DCTN1: variants seen among roughly 807,000 people sequenced by gnomAD.
DCTN1 encodes dynactin subunit 1.
A neutral mutation model predicts 161.2 loss-of-function variants in DCTN1; 61 were observed. The ratio of observed to expected loss-of-function variants is 0.38; its 90% CI spans 0.31 to 0.47. DCTN1 has a LOEUF of 0.47. Ranked by LOEUF, DCTN1 falls within the 20% of genes least tolerant of loss-of-function variation. DCTN1 has a pLI of 0.99. For missense variants in DCTN1, 1,404 were observed against 1,623.7 expected (o/e 0.86, Z 2.33); for synonymous variants, 653 against 632.4 (o/e 1.03, Z -0.49).
chr2:74,370,534 G>T lies in DCTN1; in HGVS notation c.1059C>A (p.Gly353=). The T allele has an allele frequency of 1.2e-6, 2 of 1,614,084 alleles. No homozygotes were observed. The highest frequency in any genetic ancestry group is 1.7e-6 in the Non-Finnish European group (2 of 1,180,036). Residue 353 remains glycine, a synonymous_variant, in exon 11 of 32, where the codon GGC becomes GGA. Coordinates refer to ENST00000628224, the MANE Select transcript of DCTN1 (RefSeq NM_004082.5). The surrounding 1 kb of genome is among the most constrained non-coding windows in gnomAD (Gnocchi z 4.4). ...KAEIEEKGSD[G]AASSYQLKQL... is the part of the protein sequence containing the mutation. ...GCTTGAGCTGATAACTGGATGCAGC[G>T]CCATCTGAGCCTGGAGAAGATCATT...
Position 74,366,540 on chromosome 2 carries a change from G to T in DCTN1, c.2547C>A (p.Ala849=). ...AVLQEVAAAA[A]QLIAPLAENE... ...TCTCTGCCAGTGGGGCAATGAGCTGGGCAGCAGCAGCTGCCACCTCCTGCA... is the reference window on the plus strand; with the variant it reads ...TCTCTGCCAGTGGGGCAATGAGCTGTGCAGCAGCAGCTGCCACCTCCTGCA... The change falls in exon 22 of 32, where the codon GCC becomes GCA. Residue 849 remains alanine (A), a synonymous_variant. Transcript: ENST00000628224. The T allele has an allele frequency of 1.9e-6, 3 of 1,614,014 alleles. No homozygotes were observed. The highest frequency in any genetic ancestry group is 2.5e-6 in the Non-Finnish European group (3 of 1,179,982).
rs747435830 is a variant in DCTN1, at chr2:74,361,639, G to C, written c.3700-3C>G. ...TCATCCTGCTGCTCCTCCTTGGCCT[G>C]GTGGTTGATGAGGAGAAAAAGACTC... On this transcript the variant is annotated splice_polypyrimidine_tract_variant and splice_region_variant and intron_variant, in intron 31 of 31. Coordinates refer to ENST00000628224, the MANE Select transcript of DCTN1 (RefSeq NM_004082.5). 3 of 1,613,996 alleles carry C rather than the reference G, an allele frequency of 1.9e-6. No individual in the cohort carries two copies. The highest frequency in any genetic ancestry group is 1.1e-5 in the South Asian group (1 of 91,078).
At chr2:74,385,645 T>C (rs1675694746) in intron 1 of DCTN1, 1 of 152,176 alleles carries the variant, frequency 6.6e-6, no homozygotes, top group Admixed American at 6.5e-5. Flanking sequence ...CATCATCTGA[T>C]CATAATGGAA....
chr2:74,366,896 G>A lies in DCTN1; in HGVS notation c.2353C>T (p.Arg785Trp), dbSNP rs121909344. Residue 785 changes from arginine to tryptophan, a missense_variant, in exon 21 of 32, where the codon CGG becomes TGG. Physicochemically the swap from Arg to Trp is moderately radical, Grantham distance 101. This residue lies in a region of DCTN1 where 475 missense variants were observed against 489.8 expected (regional missense o/e 0.97). Transcript: ENST00000628224. ...TCACTGCATGAAGTTTCCAGATCCCGGAGCAGGAGGGCAATATCTGTAGCC... is the reference window on the plus strand; with the variant it reads ...TCACTGCATGAAGTTTCCAGATCCCAGAGCAGGAGGGCAATATCTGTAGCC... ...QEATDIALLLRDLETSCSDIR... is the reference protein window; with the variant it reads ...QEATDIALLLWDLETSCSDIR... 414 of 1,614,076 alleles carry A rather than the reference G, an allele frequency of 2.6e-4. No individual in the cohort carries two copies. The highest frequency in any genetic ancestry group is 3.7e-4 in the Admixed American group (22 of 60,002).
intron 16 of DCTN1, chr2:74,368,385 T>A: frequency 1.6e-6 from 1 of 616,178 alleles, no homozygotes; most frequent in Non-Finnish European, 2.8e-6. Flanking sequence ...TTTCCTGACT[T>A]AAAGCTGCCA....
At chr2:74,371,763 A>T in intron 7 of DCTN1, 35 bp from the exon 8 acceptor site, 1 of 1,543,954 alleles carries the variant, frequency 6.5e-7, no homozygotes, top group Non-Finnish European at 8.9e-7. Context: ...CCAGAAAGAA[A>T]GCAGAGGATA....
At chr2:74,391,746 C>T (rs1160743788) in intron 1 of DCTN1, 1 of 452,252 alleles carries the variant, frequency 2.2e-6, no homozygotes, top group South Asian at 1.6e-5. Flanking sequence ...CTCACGAACA[C>T]GTAGGGGGCC....
intron 3 of DCTN1, 28 bp downstream of exon 3, chr2:74,377,620 G>C (rs747414713): frequency 1.9e-6 from 3 of 1,603,490 alleles, no homozygotes; most frequent in Non-Finnish European, 2.6e-6. Context: ...TGGCTATGGG[G>C]AGGCAACTTT....
rs1286683366 is a variant in DCTN1, at chr2:74,369,722, A to T, written c.1393-231T>A. ...CAGCTACTCGGGAGGCTGAGGCAGGAGAATCGCTTGAACCTGGGAGGCGGA... is the reference window on the plus strand; with the variant it reads ...CAGCTACTCGGGAGGCTGAGGCAGGTGAATCGCTTGAACCTGGGAGGCGGA... On this transcript the variant is annotated intron_variant, in intron 13 of 31. Coordinates refer to ENST00000628224, the MANE Select transcript of DCTN1 (RefSeq NM_004082.5). This position sits in a 1 kb window ranked among gnomAD's most constrained non-coding sequence, Gnocchi z 4.9. Among the ~76,000 whole-genome samples the T allele has an allele frequency of 6.6e-6, 1 of 151,116 alleles. No individual in the cohort carries two copies. The highest frequency in any genetic ancestry group is 1.5e-5 in the Non-Finnish European group (1 of 67,842).
At position 74,362,028 on chromosome 2, in the gene DCTN1, CCTCCACCCCATG is replaced by C. The variant is rs769645845; in HGVS notation, c.3699+12_3699+23del. The stretch of plus-strand genomic sequence containing the variant: ...GCCTGAGCTCTCCACACTGTCCCAT[CCTCCACCCCATG>C]CTCCCCCTCACCCTGAGGAAGGCTG... On this transcript the variant is annotated intron_variant, in intron 31 of 31. Transcript: ENST00000628224. The C allele has an allele frequency of 9.2e-5, 148 of 1,611,354 alleles. No individual in the cohort carries two copies. In the African/African-American group the frequency reaches 1.8e-3, roughly 19 times the overall value.
At chr2:74,362,267 C>T in intron 30 of DCTN1, 126 bp from the exon 31 acceptor site, 1 of 812,026 alleles carries the variant, frequency 1.2e-6, no homozygotes, top group Non-Finnish European at 2.0e-6. Context: ...TATCAACATA[C>T]TTTTGCTCTC....
chr2:74,371,774 G>C, intron 7 of DCTN1, 46 bp from the exon 8 acceptor site: 1 of 1,492,568 alleles, frequency 6.7e-7, no homozygotes, highest in Non-Finnish European at 9.2e-7. Context: ...GCAGAGGATA[G>C]GGGTAGTAAG....
At chr2:74,382,711 A>G (rs920879066), upstream of DCTN1, among the ~76,000 whole-genome samples, 3 of 152,172 alleles carry the variant, frequency 2.0e-5, no homozygotes, top group African/African-American at 7.2e-5. Context: ...AAGAAATTAT[A>G]GACAGGAGAG....
At chr2:74,375,377 C>T (rs1383290465) in intron 5 of DCTN1, among the ~76,000 whole-genome samples, 1 of 152,230 alleles carries the variant, frequency 6.6e-6, no homozygotes, top group African/African-American at 2.4e-5. Context: ...GAGCAGGGGC[C>T]CTCTGCTTTG....
chr2:74,381,896 G>A (rs1675526275), upstream of DCTN1, among the ~76,000 whole-genome samples: 1 of 152,182 alleles, frequency 6.6e-6, no homozygotes, highest in South Asian at 2.1e-4. Flanking sequence ...TAAGAACAAT[G>A]TCATCATATA....
rs141010407 is a variant in DCTN1 at position 74,368,854 on chromosome 2, C to T, written c.1728G>A (p.Met576Ile). 6.2e-7 allele frequency: 1 copy of T among 1,614,286 alleles called. No homozygotes were observed. Among genetic ancestry groups the T allele is most frequent in the Non-Finnish European group, 8.5e-7 (1 of 1,180,058 alleles). Reference protein sequence around the residue: ...AKAIEMELRQMEVAQANRHMS... With the variant: ...AKAIEMELRQIEVAQANRHMS... Reference sequence around the variant, plus strand: ...TGTGTCGATTGGCCTGGGCCACCTCCATCTGCCTCAATTCCATCTCAATTG... The same window carrying T: ...TGTGTCGATTGGCCTGGGCCACCTCTATCTGCCTCAATTCCATCTCAATTG... Residue 576 changes from methionine to isoleucine, a missense_variant, in exon 16 of 32, where the codon ATG becomes ATA. Met to Ile is a conservative substitution (Grantham distance 10, BLOSUM62 1). Transcript: ENST00000628224.
chr2:74,367,680 A>T lies in DCTN1; in HGVS notation c.2184+16T>A, dbSNP rs569994523. ...TTCCCTGCCTCCTGCCCCAAGCCCA[A>T]ATTCTTGCCCCACACCTGATAGTAC... is the stretch of plus-strand genomic sequence containing the variant. On this transcript the variant is annotated intron_variant, in intron 18 of 31. Coordinates refer to ENST00000628224, the MANE Select transcript of DCTN1 (RefSeq NM_004082.5). 1 of 1,614,108 alleles carries T rather than the reference A, an allele frequency of 6.2e-7. No homozygotes were observed. The highest frequency in any genetic ancestry group is 1.3e-5 in the African/African-American group (1 of 75,032).
chr2:74,367,141 C>T, intron 19 of DCTN1, 34 bp from the exon 20 acceptor site: 8 of 1,613,164 alleles, frequency 5.0e-6, no homozygotes, highest in Non-Finnish European at 5.1e-6. Context: ...CATCAGCCCC[C>T]AGCAGGAGCC....
chr2:74,371,662 A>G lies in DCTN1; in HGVS notation c.520T>C (p.Ser174Pro). 1.9e-6 allele frequency: 3 copies of G among 1,600,138 alleles called. No homozygotes were observed. Among genetic ancestry groups the G allele is most frequent in the Non-Finnish European group, 2.6e-6 (3 of 1,174,694 alleles). Residue 174 changes from serine to proline, a missense_variant, in exon 8 of 32, where the codon TCA (serine) becomes CCA (proline). By Grantham distance (74) the Ser-to-Pro change is moderately conservative. Coordinates refer to ENST00000628224, the MANE Select transcript of DCTN1 (RefSeq NM_004082.5). ...TCACTGCTGCTCAGCTCACCTGCTGACGCTGAGCCAGAGGGGCCCAGGGAG... is the reference window on the plus strand; with the variant it reads ...TCACTGCTGCTCAGCTCACCTGCTGGCGCTGAGCCAGAGGGGCCCAGGGAG... ...SSSLGPSGSA[S>P]AGELSSSEPS...
Sources: gnomAD v4.1 joint callset for allele counts (sites outside exome capture counted in the v4.1 genomes callset) on GRCh38, gnomAD v4.1.1 for gene constraint, gnomAD v4.1.1 regional missense constraint, Gnocchi (gnomAD v3.1) non-coding constraint, MANE v1.5 for transcripts, NCBI Gene and HGNC (gene_info 2026-07-23, HGNC 2026-07-21) for gene names.